The following NCKAP5 variants were observed in gnomAD, a reference collection of about 807,000 sequenced individuals.
NCKAP5 encodes the protein nck-associated protein 5.
Under a neutral mutation model 167.0 loss-of-function variants are expected in NCKAP5, and 92 were observed. The observed-to-expected ratio is 0.55, with a 90% CI of 0.47 to 0.66. The LOEUF is 0.66. Among genes scored for constraint, NCKAP5 ranks in the 30% least tolerant of loss-of-function variants. The probability of loss-of-function intolerance (pLI) is 0.00; values close to 1 mark genes in which losing one functional copy is unlikely to be tolerated. For synonymous variants in NCKAP5, 891 were observed against 877.4 expected (o/e 1.02, Z -0.27); for missense variants, 2,378 against 2,315.0 (o/e 1.03, Z -0.56).
At chr2:132,718,740 T>C (rs1235274198) in intron 19 of NCKAP5, among the ~76,000 whole-genome samples, 1 of 152,196 alleles carries the variant, frequency 6.6e-6, no homozygotes, top group Admixed American at 6.5e-5. Flanking sequence ...CACAAGACCA[T>C]AGTCAATGCA....
chr2:133,665,662 C>T, the NCKAP5 span, among the ~76,000 whole-genome samples: 10 of 152,258 alleles, frequency 6.6e-5, no homozygotes, highest in East Asian at 1.9e-4. Flanking sequence ...GGGAAAATGG[C>T]GCTGACAGAC....
chr2:132,873,946 C>T (rs7576248), intron 9 of NCKAP5, among the ~76,000 whole-genome samples: 79,050 of 151,332 alleles, frequency 0.52, 21,212 homozygotes, highest in East Asian at 0.81. Flanking sequence ...CTGCTGGGTC[C>T]TGCAAAAATA....
In NCKAP5 at chr2:133,130,099, T is replaced by C; in HGVS notation, c.220A>G (p.Ile74Val). ...TGTCTCTCCTCTTCCAGTTCATGTATCAGCTTCTCATGCTATAAAAGACAC... is the reference window on the plus strand; with the variant it reads ...TGTCTCTCCTCTTCCAGTTCATGTACCAGCTTCTCATGCTATAAAAGACAC... ...TSEGAMHEKLIHELEEERHLR... is the reference protein window; with the variant it reads ...TSEGAMHEKLVHELEEERHLR... Residue 74 changes from isoleucine to valine, a missense_variant, in exon 6 of 20, where the codon ATA becomes GTA. Physicochemically the swap from Ile to Val is conservative, Grantham distance 29. This residue lies in a region of NCKAP5 where 1,049 missense variants were observed against 1,023.4 expected (regional missense o/e 1.02). Transcript: ENST00000409261. 6.2e-7 allele frequency: 1 copy of C among 1,609,538 alleles called. No individual in the cohort carries two copies. The highest frequency in any genetic ancestry group is 8.5e-7 in the Non-Finnish European group (1 of 1,178,710).
At chr2:133,548,562 G>A (rs1255002035) in intron 2 of NCKAP5, among the ~76,000 whole-genome samples, 1 of 151,772 alleles carries the variant, frequency 6.6e-6, no homozygotes, top group Admixed American at 6.6e-5. Flanking sequence ...GAACAGAGTG[G>A]GGGCCAATAT....
intron 8 of NCKAP5, among the ~76,000 whole-genome samples, chr2:132,940,139 TA>T (rs1697184957): frequency 6.6e-6 from 1 of 152,216 alleles, no homozygotes; most frequent in Admixed American, 6.5e-5. Context: ...GAATATATGA[TA>T]TTTGGTTTTC....
At chr2:132,712,619 T>TC (rs1688976110) in intron 19 of NCKAP5, among the ~76,000 whole-genome samples, 1 of 151,768 alleles carries the variant, frequency 6.6e-6, no homozygotes, top group Non-Finnish European at 1.5e-5. Context: ...GCCACTGCAC[T>TC]CCAGCCTGGG....
At chr2:132,778,198 T>C (rs866922724) in intron 15 of NCKAP5, among the ~76,000 whole-genome samples, 1 of 152,022 alleles carries the variant, frequency 6.6e-6, no homozygotes, top group Middle Eastern at 3.2e-3. Flanking sequence ...ATAATTTAAA[T>C]AAAAGTACCA....
intron 19 of NCKAP5, among the ~76,000 whole-genome samples, chr2:132,717,954 A>G (rs1689530104): frequency 6.6e-6 from 1 of 152,166 alleles, no homozygotes; most frequent in Admixed American, 6.5e-5. Flanking sequence ...CCCTACTGGG[A>G]TTTTATTTGG....
the NCKAP5 span, among the ~76,000 whole-genome samples, chr2:133,646,401 A>G: frequency 9.2e-5 from 14 of 152,140 alleles, no homozygotes; most frequent in Non-Finnish European, 1.6e-4. Flanking sequence ...ATTTTTCTAC[A>G]AAAACTTTGC....
At chr2:132,733,966 G>A (rs905183795) in intron 16 of NCKAP5, among the ~76,000 whole-genome samples, 1 of 152,124 alleles carries the variant, frequency 6.6e-6, no homozygotes, top group Admixed American at 6.5e-5. Context: ...TCTCCACTAT[G>A]GTGTCATTTA....
At chr2:133,483,785 A>T (rs1575039980) in intron 3 of NCKAP5, among the ~76,000 whole-genome samples, 3 of 152,128 alleles carry the variant, frequency 2.0e-5, no homozygotes, top group Non-Finnish European at 4.4e-5. Flanking sequence ...CGCTCAGGGG[A>T]CTTTTAATAA....
At chr2:133,080,179 CTGTG>C (rs902597279) in intron 6 of NCKAP5, among the ~76,000 whole-genome samples, 1 of 152,102 alleles carries the variant, frequency 6.6e-6, no homozygotes, top group Non-Finnish European at 1.5e-5. Flanking sequence ...CCTGGCAGCA[CTGTG>C]TGTATGTGTC....
Position 133,308,689 on chromosome 2 carries a change from CTTTTTTTTTTTTTTTTTTTT to C in NCKAP5, c.70-5599_70-5580del, listed in dbSNP as rs35760716. Among the ~76,000 whole-genome samples, 3 of 59,278 alleles carry C rather than the reference CTTTTTTTTTTTTTTTTTTTT, an allele frequency of 5.1e-5. No individual in the cohort carries two copies. In the South Asian group the frequency reaches 2.0e-3, roughly 39 times the overall value. The allele number at this position is 59,278 out of a possible 152,430, so 38.9% of individuals were successfully genotyped here. ...TTTTTTCGTTTGAAGAAATACAATT[CTTTTTTTTTTTTTTTTTTTT>C]TTTTTTTTTTGAGACGGAGTCTTGC... On this transcript the variant is annotated intron_variant, in intron 3 of 19. Coordinates refer to ENST00000409261, the MANE Select transcript of NCKAP5 (RefSeq NM_207363.3).
At chr2:133,582,379 G>C in the NCKAP5 span, among the ~76,000 whole-genome samples, 1 of 152,156 alleles carries the variant, frequency 6.6e-6, no homozygotes, top group East Asian at 1.9e-4. Flanking sequence ...ATCAGACTGG[G>C]GGAGTGTGAG....
At position 132,955,803 on chromosome 2, in the gene NCKAP5, A is replaced by C. The variant is rs534711975; in HGVS notation, c.579+7917T>G. On this transcript the variant is annotated intron_variant, in intron 8 of 19. Transcript: ENST00000409261. ...TGTAAAGGTATTCCTATTTCTCCAC[A>C]TCCTTGCCAGCATCTGTTGTTTCCT... Among the ~76,000 whole-genome samples the C allele has an allele frequency of 5.9e-4, 90 of 152,312 alleles. 2 individuals are homozygous for C. The highest frequency in any genetic ancestry group is 2.0e-3 in the African/African-American group (82 of 41,582).
chr2:133,512,369 A>C (rs1683566901), intron 3 of NCKAP5, among the ~76,000 whole-genome samples: 1 of 152,198 alleles, frequency 6.6e-6, no homozygotes, highest in African/African-American at 2.4e-5. Context: ...GAAAATCAGC[A>C]CCCAGGAAAC....
chr2:132,858,743 A>G (rs181877768), intron 11 of NCKAP5, among the ~76,000 whole-genome samples: 2 of 152,294 alleles, frequency 1.3e-5, no homozygotes, highest in East Asian at 3.9e-4. Context: ...GAAAACACCT[A>G]ATGAATAAAC....
chr2:132,751,152 C>T (rs1680076384), intron 16 of NCKAP5, among the ~76,000 whole-genome samples: 1 of 151,836 alleles, frequency 6.6e-6, no homozygotes, highest in Non-Finnish European at 1.5e-5. Flanking sequence ...GGGGTGGATC[C>T]CTCATGAATA....
chr2:133,214,251 T>C (rs1352505378), intron 4 of NCKAP5, among the ~76,000 whole-genome samples: 4 of 152,212 alleles, frequency 2.6e-5, no homozygotes, highest in South Asian at 4.1e-4. Flanking sequence ...ACAGGCATCA[T>C]GCTGGGCAAT....
Sources: gnomAD v4.1 joint callset for allele counts (sites outside exome capture counted in the v4.1 genomes callset) on GRCh38, gnomAD v4.1.1 for gene constraint, gnomAD v4.1.1 regional missense constraint, MANE v1.5 for transcripts, NCBI Gene and HGNC (gene_info 2026-07-23, HGNC 2026-07-21) for gene names.